The following TRPM3 variants were observed in gnomAD, a reference collection of about 807,000 sequenced individuals.
TRPM3 encodes the protein long transient receptor potential channel 3.
A neutral mutation model predicts 181.2 loss-of-function variants in TRPM3; 77 were observed. The ratio of observed to expected loss-of-function variants is 0.42; its 90% CI spans 0.35 to 0.51. The LOEUF is 0.51. Among genes scored for constraint, TRPM3 ranks in the 20% least tolerant of loss-of-function variants. The probability of loss-of-function intolerance (pLI) is 0.01; values close to 1 mark genes in which losing one functional copy is unlikely to be tolerated. For missense variants in TRPM3, 1,759 were observed against 2,196.7 expected, an observed-to-expected ratio of 0.80 and a Z score of 3.98; for synonymous variants, 745 against 796.4, an observed-to-expected ratio of 0.94 and a Z score of 1.09.
At chr9:70,637,047 C>T (rs1445012719) in intron 11 of TRPM3, among the ~76,000 whole-genome samples, 2 of 152,150 alleles carry the variant, frequency 1.3e-5, no homozygotes, top group East Asian at 3.9e-4. Flanking sequence ...CGGCAACGAC[C>T]TGCCCATTCA....
At chr9:71,357,146 A>T (rs1422133412) in intron 1 of TRPM3, among the ~76,000 whole-genome samples, 7 of 152,168 alleles carry the variant, frequency 4.6e-5, no homozygotes, top group African/African-American at 1.7e-4. Flanking sequence ...GGGGGAAAAC[A>T]ATTATTAAAA....
rs967823407 is a variant in TRPM3, at chr9:70,747,905, G to C, written c.1272+13696C>G. On this transcript the variant is annotated intron_variant, in intron 8 of 25. Transcript: ENST00000677713. Reference sequence around the variant, plus strand: ...GAACTTGGAAATGCAGGAGCCAGGGGAAAGCAAGGCTAGATATTTGTGCAT... The same window carrying C: ...GAACTTGGAAATGCAGGAGCCAGGGCAAAGCAAGGCTAGATATTTGTGCAT... 2.0e-5 allele frequency among the ~76,000 whole-genome samples: 3 copies of C among 152,068 alleles called. No homozygotes were observed. The East Asian group carries it at 5.8e-4, about 29-fold the overall frequency.
At chr9:71,300,937 T>A (rs1437849893) in intron 1 of TRPM3, among the ~76,000 whole-genome samples, 1 of 152,160 alleles carries the variant, frequency 6.6e-6, no homozygotes, top group Non-Finnish European at 1.5e-5. Context: ...ACCTTGAAAT[T>A]TGATTCAGTG....
At chr9:70,974,777 T>A in intron 1 of TRPM3, among the ~76,000 whole-genome samples, 1 of 151,160 alleles carries the variant, frequency 6.6e-6, no homozygotes, top group Middle Eastern at 3.4e-3. Flanking sequence ...GGACAAAATT[T>A]AAGTAATTTA....
At chr9:70,887,111 C>T (rs1028929581) in intron 1 of TRPM3, among the ~76,000 whole-genome samples, 25 of 152,270 alleles carry the variant, frequency 1.6e-4, no homozygotes, top group African/African-American at 5.5e-4. Flanking sequence ...AACCTAACTC[C>T]TACATCACTT....
chr9:71,034,061 T>C (rs1418341801), intron 1 of TRPM3, among the ~76,000 whole-genome samples: 1 of 152,202 alleles, frequency 6.6e-6, no homozygotes, highest in Non-Finnish European at 1.5e-5. Context: ...ATGTGCAAAC[T>C]CCACATAGAC....
intron 1 of TRPM3, among the ~76,000 whole-genome samples, chr9:71,429,734 A>T (rs1479940713): frequency 6.6e-6 from 1 of 152,108 alleles, no homozygotes; most frequent in East Asian, 1.9e-4. Flanking sequence ...CAGTCCCCCA[A>T]TTCATAGATT....
At chr9:71,303,053 G>C (rs2086924894) in intron 1 of TRPM3, among the ~76,000 whole-genome samples, 1 of 152,078 alleles carries the variant, frequency 6.6e-6, no homozygotes, top group Non-Finnish European at 1.5e-5. Context: ...TCAGAGACTA[G>C]GCAAATCTCG....
At chr9:71,359,362 T>C (rs924259198) in intron 1 of TRPM3, among the ~76,000 whole-genome samples, 1 of 152,242 alleles carries the variant, frequency 6.6e-6, no homozygotes, top group Non-Finnish European at 1.5e-5. Context: ...TATGGCTGCA[T>C]CCATGAAGAA....
chr9:70,954,429 G>GTCC (rs2097042814), intron 1 of TRPM3, among the ~76,000 whole-genome samples: 1 of 152,098 alleles, frequency 6.6e-6, no homozygotes, highest in African/African-American at 2.4e-5. Flanking sequence ...TACTAAAAGA[G>GTCC]TCCTCTAAAC....
chr9:70,674,848 G>A (rs1208407643), intron 9 of TRPM3, among the ~76,000 whole-genome samples: 2 of 148,956 alleles, frequency 1.3e-5, no homozygotes, highest in Middle Eastern at 3.5e-3. Context: ...TTACATGCAT[G>A]AGCCATTGCA....
intron 1 of TRPM3, among the ~76,000 whole-genome samples, chr9:71,333,250 G>T (rs965128177): frequency 9.2e-5 from 14 of 151,888 alleles, no homozygotes; most frequent in African/African-American, 1.2e-4. Context: ...TAGGGAACTG[G>T]TCAGAACTCA....
intron 7 of TRPM3, among the ~76,000 whole-genome samples, chr9:70,766,705 G>A (rs2079201401): frequency 6.6e-6 from 1 of 152,108 alleles, no homozygotes. Context: ...TGCTTTTTTT[G>A]TAAAAGTTGC....
chr9:70,835,917 A>G (rs2094290658), intron 5 of TRPM3, among the ~76,000 whole-genome samples: 1 of 152,140 alleles, frequency 6.6e-6, no homozygotes. Flanking sequence ...CCAGTTATAG[A>G]ACATTGGGAA....
At chr9:71,236,405 C>T (rs2081352444) in intron 1 of TRPM3, among the ~76,000 whole-genome samples, 1 of 152,058 alleles carries the variant, frequency 6.6e-6, no homozygotes, top group Non-Finnish European at 1.5e-5. Context: ...CCTTTCTCCC[C>T]ACACCACCCT....
At chr9:70,989,663 A>G (rs2097457778) in intron 1 of TRPM3, among the ~76,000 whole-genome samples, 1 of 152,184 alleles carries the variant, frequency 6.6e-6, no homozygotes, top group Admixed American at 6.5e-5. Flanking sequence ...AGGGAACATT[A>G]AGCTTTATAT....
At chr9:70,579,696 A>G (rs1398709645) in intron 22 of TRPM3, among the ~76,000 whole-genome samples, 1 of 152,206 alleles carries the variant, frequency 6.6e-6, no homozygotes, top group Admixed American at 6.5e-5. Context: ...GTAGAACTTC[A>G]GGTGATCCTG....
chr9:71,245,726 A>T (rs2081999033), intron 1 of TRPM3, among the ~76,000 whole-genome samples: 2 of 152,180 alleles, frequency 1.3e-5, no homozygotes, highest in African/African-American at 2.4e-5. Context: ...CCCACTTGAT[A>T]AGGGACTTTG....
intron 16 of TRPM3, 134 bp from the exon 17 acceptor site, chr9:70,619,229 G>C (rs764482108): frequency 2.9e-6 from 2 of 691,938 alleles, no homozygotes; most frequent in Admixed American, 5.7e-5. Flanking sequence ...TAGTCTGTTT[G>C]TAAATTCATC....
Sources: allele counts gnomAD v4.1 joint callset (sites outside exome capture counted in the v4.1 genomes callset), GRCh38; gene constraint gnomAD v4.1.1; transcripts MANE v1.5; gene names NCBI Gene and HGNC (gene_info 2026-07-23, HGNC 2026-07-21).